The following NEGR1 variants were observed in gnomAD, a reference collection of about 807,000 sequenced individuals.
NEGR1 encodes the protein neuronal growth regulator 1, also known as IgLON family member 4.
Under a neutral mutation model 40.9 loss-of-function variants are expected in NEGR1, and 10 were observed. The ratio of observed to expected loss-of-function variants is 0.24; its 90% confidence interval spans 0.15 to 0.42. The LOEUF (loss-of-function observed/expected upper bound fraction) is 0.42. Ranked by LOEUF, NEGR1 falls within the 10% of genes least tolerant of loss-of-function variation. The pLI is 1.00. For synonymous variants in NEGR1, 185 were observed against 166.8 expected, an observed-to-expected ratio of 1.11 and a Z score of -0.84; for missense variants, 352 against 438.9, an observed-to-expected ratio of 0.80 and a Z score of 1.77.
At chr1:72,062,188 C>G (rs1206736133) in intron 1 of NEGR1, among the ~76,000 whole-genome samples, 1 of 151,668 alleles carries the variant, frequency 6.6e-6, no homozygotes, top group African/African-American at 2.4e-5. Context: ...AATTTCCTTC[C>G]TCCTCACCTC....
chr1:71,928,356 A>ACATACACACATATG (rs1557439007), intron 2 of NEGR1, among the ~76,000 whole-genome samples: 1 of 74,916 alleles, frequency 1.3e-5, no homozygotes, highest in Admixed American at 1.8e-4. Context: ...ATGTGTATAT[A>ACATACACACATATG]TATATACACA....
intron 3 of NEGR1, among the ~76,000 whole-genome samples, chr1:71,762,302 G>A (rs1267010489): frequency 6.7e-6 from 1 of 150,200 alleles, no homozygotes; most frequent in Non-Finnish European, 1.5e-5. Context: ...GAAAAAGTCA[G>A]ACTTAAGTCC....
At chr1:72,130,756 T>TA (rs1400194852) in intron 1 of NEGR1, among the ~76,000 whole-genome samples, 1 of 152,178 alleles carries the variant, frequency 6.6e-6, no homozygotes, top group African/African-American at 2.4e-5. Flanking sequence ...AAAATATCCC[T>TA]AAATTCATGC....
chr1:72,147,316 A>G (rs1239310284), intron 1 of NEGR1, among the ~76,000 whole-genome samples: 1 of 152,168 alleles, frequency 6.6e-6, no homozygotes, highest in African/African-American at 2.4e-5. Flanking sequence ...CACTTCTTAC[A>G]TGGCAGCAAC....
intron 6 of NEGR1, among the ~76,000 whole-genome samples, chr1:71,433,801 A>T (rs1646485836): frequency 6.6e-6 from 1 of 152,210 alleles, no homozygotes. Context: ...TGTGTGTGTG[A>T]GAGAGATTAT....
chr1:72,000,867 G>A (rs1355987541), intron 1 of NEGR1, among the ~76,000 whole-genome samples: 1 of 152,092 alleles, frequency 6.6e-6, no homozygotes, highest in Non-Finnish European at 1.5e-5. Flanking sequence ...TAGTTCGGGT[G>A]GGTCCTTGGA....
chr1:71,709,281 CT>C (rs1654003325), intron 3 of NEGR1, among the ~76,000 whole-genome samples: 1 of 152,096 alleles, frequency 6.6e-6, no homozygotes, highest in Non-Finnish European at 1.5e-5. Flanking sequence ...AAAAGCATTC[CT>C]TTTTCTCCAC....
intron 1 of NEGR1, among the ~76,000 whole-genome samples, chr1:72,136,277 A>T (rs928139643): frequency 1.3e-5 from 2 of 152,138 alleles, no homozygotes; most frequent in Non-Finnish European, 2.9e-5. Flanking sequence ...GATATAGAGG[A>T]TATACAATTA....
intron 1 of NEGR1, among the ~76,000 whole-genome samples, chr1:71,947,403 G>A (rs981427334): frequency 2.0e-5 from 3 of 152,008 alleles, no homozygotes; most frequent in Non-Finnish European, 4.4e-5. Flanking sequence ...GGAATGGAAG[G>A]TGTCCTATTT....
rs373548850 is a variant in NEGR1 at position 71,568,328 on chromosome 1, G to T, written c.940+24489C>A. On this transcript the variant is annotated intron_variant, in intron 6 of 6. Transcript: ENST00000357731. ...TGAACTCTAGTGAAGAATCATTTCT[G>T]GTAAATTTACAGACCATGAGCCCTG... is the stretch of plus-strand genomic sequence containing the variant. Among the ~76,000 whole-genome samples, 5 of 152,208 alleles carry T rather than the reference G, an allele frequency of 3.3e-5. No individual in the cohort carries two copies. In the South Asian group the frequency reaches 8.3e-4, roughly 25 times the overall value.
intron 1 of NEGR1, among the ~76,000 whole-genome samples, chr1:72,204,168 G>A (rs546099954): frequency 2.2e-4 from 34 of 151,990 alleles, no homozygotes; most frequent in Non-Finnish European, 4.6e-4. Context: ...AAGTTACACC[G>A]TGACAACTTT....
chr1:71,822,587 A>G (rs1658471677), intron 2 of NEGR1, among the ~76,000 whole-genome samples: 1 of 151,948 alleles, frequency 6.6e-6, no homozygotes, highest in Admixed American at 6.6e-5. Flanking sequence ...AGCCCTCATT[A>G]TGGCATCATT....
chr1:71,525,638 T>C (rs1647207876), intron 6 of NEGR1, among the ~76,000 whole-genome samples: 4 of 151,672 alleles, frequency 2.6e-5, no homozygotes, highest in Admixed American at 6.6e-5. Context: ...TTTCCTGTTC[T>C]AAAGAATCTT....
chr1:72,004,278 T>C (rs2100387610), intron 1 of NEGR1, among the ~76,000 whole-genome samples: 1 of 152,250 alleles, frequency 6.6e-6, no homozygotes. Flanking sequence ...CAGTAACGTG[T>C]TTCTTCTCTG....
In NEGR1 at chr1:71,676,255, A is replaced by G. The variant is rs193154505; in HGVS notation, c.667+21753T>C. 1.3e-3 allele frequency among the ~76,000 whole-genome samples: 198 copies of G among 152,252 alleles called. 1 individual carries two copies. Among genetic ancestry groups the G allele is most frequent in the East Asian group, 3.9e-4 (2 of 5,176 alleles). ...ATTATTTTGGAAGTTATTATTAAGA[A>G]AAATGTTCTTCTATTATGCCTCAGA... On this transcript the variant is annotated intron_variant, in intron 4 of 6. Coordinates refer to ENST00000357731, the MANE Select transcript of NEGR1 (RefSeq NM_173808.3).
intron 2 of NEGR1, among the ~76,000 whole-genome samples, chr1:71,788,621 A>C (rs1046706511): frequency 1.3e-5 from 2 of 152,044 alleles, no homozygotes; most frequent in Non-Finnish European, 2.9e-5. Flanking sequence ...AAGAGGATTA[A>C]ATATTATATA....
At chr1:71,986,716 C>G (rs560408725) in intron 1 of NEGR1, among the ~76,000 whole-genome samples, 1 of 152,328 alleles carries the variant, frequency 6.6e-6, no homozygotes, top group East Asian at 1.9e-4. Flanking sequence ...AGACCTTTCC[C>G]TGATATCCTG....
chr1:71,740,397 A>G lies in NEGR1; in HGVS notation c.535+35775T>C, dbSNP rs551340366. 2.2e-4 allele frequency among the ~76,000 whole-genome samples: 33 copies of G among 152,276 alleles called. No individual in the cohort carries two copies. In the South Asian group the frequency reaches 6.8e-3, roughly 32 times the overall value. Reference sequence around the variant, plus strand: ...AGATACTGAGATTAATATAAATATGATCAAAGAGAGGAATATATGGTAGTA... The same window carrying G: ...AGATACTGAGATTAATATAAATATGGTCAAAGAGAGGAATATATGGTAGTA... On this transcript the variant is annotated intron_variant, in intron 3 of 6. Transcript: ENST00000357731.
At chr1:71,763,249 G>A (rs1221316631) in intron 3 of NEGR1, among the ~76,000 whole-genome samples, 2 of 152,018 alleles carry the variant, frequency 1.3e-5, no homozygotes, top group Admixed American at 6.6e-5. Context: ...TGGGTGGGGG[G>A]TCCTCCTTCC....
Sources: allele counts gnomAD v4.1 joint callset (sites outside exome capture counted in the v4.1 genomes callset), GRCh38; gene constraint gnomAD v4.1.1; transcripts MANE v1.5; gene names NCBI Gene and HGNC (gene_info 2026-07-23, HGNC 2026-07-21).